GRIK3: variants seen among roughly 807,000 people sequenced by gnomAD.
The protein encoded by GRIK3 is glutamate ionotropic receptor kainate type subunit 3.
Under a neutral mutation model 102.5 loss-of-function variants are expected in GRIK3, and 29 were observed. The ratio of observed to expected loss-of-function variants is 0.28; its 90% confidence interval spans 0.21 to 0.39. GRIK3 has a LOEUF of 0.39. GRIK3 is among the 10% of genes least tolerant of loss of function. The pLI, the probability that GRIK3 is intolerant of heterozygous loss-of-function variation, is 1.00. For missense variants in GRIK3, 908 were observed against 1,252.4 expected (o/e 0.73, Z 4.15); for synonymous variants, 511 against 504.9 (o/e 1.01, Z -0.16).
rs76688397 is a variant in GRIK3, at chr1:36,806,966, G to A, written c.2092-640C>T. Among the ~76,000 whole-genome samples the A allele has an allele frequency of 0.015, 2,340 of 152,204 alleles. 71 individuals carry two copies. Among genetic ancestry groups the A allele is most frequent in the African/African-American group, 0.054 (2,239 of 41,514 alleles). On this transcript the variant is annotated intron_variant, in intron 13 of 15. Transcript: ENST00000373091. This position sits in a 1 kb window ranked among gnomAD's most constrained non-coding sequence, Gnocchi z 4.0. ...CTCCCCTTTCACTTCAACCAATGGA[G>A]GCCTCTTTTATGTCCTGTTTCAGGG...
intron 2 of GRIK3, among the ~76,000 whole-genome samples, chr1:36,887,772 AT>A (rs1159583575): frequency 2.3e-3 from 212 of 92,582 alleles, no homozygotes; most frequent in East Asian, 0.019. Flanking sequence ...AAAAAAAAAA[AT>A]ATATATATAT....
At chr1:36,913,266 C>T (rs982740310) in intron 1 of GRIK3, among the ~76,000 whole-genome samples, 4 of 152,184 alleles carry the variant, frequency 2.6e-5, no homozygotes, top group African/African-American at 9.6e-5. Context: ...CACCAGCAGC[C>T]CCTCTGTGCC....
chr1:36,989,080 G>A (rs565538471), intron 1 of GRIK3, among the ~76,000 whole-genome samples: 1 of 151,932 alleles, frequency 6.6e-6, no homozygotes, highest in South Asian at 2.1e-4. Context: ...CTCCCTCCCT[G>A]CACAAACACA....
At chr1:36,863,578 C>T (rs1640750751) in intron 5 of GRIK3, among the ~76,000 whole-genome samples, 1 of 152,116 alleles carries the variant, frequency 6.6e-6, no homozygotes, top group East Asian at 1.9e-4. Context: ...CTGTTCAGCA[C>T]CTTTGTATGC....
At chr1:37,017,170 G>T (rs1642659925) in intron 1 of GRIK3, among the ~76,000 whole-genome samples, 1 of 150,776 alleles carries the variant, frequency 6.6e-6, no homozygotes. Flanking sequence ...AGCCGAGATT[G>T]CACCACTGCA....
intron 1 of GRIK3, among the ~76,000 whole-genome samples, chr1:36,958,155 C>T (rs1490833916): frequency 1.9e-4 from 24 of 127,772 alleles, no homozygotes; most frequent in African/African-American, 5.7e-4. Context: ...ACTCTGTGCC[C>T]TGAGTCTGTG....
At chr1:36,824,589 C>T (rs1642733332) in intron 11 of GRIK3, among the ~76,000 whole-genome samples, 1 of 152,142 alleles carries the variant, frequency 6.6e-6, no homozygotes, top group Non-Finnish European at 1.5e-5. Context: ...AAAAAAAAGG[C>T]TGAAAACGCC....
chr1:36,957,534 C>CGTGAGT (rs1641933166), intron 1 of GRIK3, among the ~76,000 whole-genome samples: 1 of 107,522 alleles, frequency 9.3e-6, no homozygotes, highest in Non-Finnish European at 2.1e-5. Flanking sequence ...CCTGTGTGCC[C>CGTGAGT]CGTGTCCTGT....
At chr1:36,856,590 C>T (rs916404062) in intron 7 of GRIK3, among the ~76,000 whole-genome samples, 4 of 152,192 alleles carry the variant, frequency 2.6e-5, no homozygotes, top group South Asian at 2.1e-4. Flanking sequence ...ATCTGAGGTT[C>T]GGTTGTGGCC....
chr1:36,958,013 G>A (rs370207619), intron 1 of GRIK3, among the ~76,000 whole-genome samples: 4 of 22,204 alleles, frequency 1.8e-4, no homozygotes, highest in South Asian at 1.7e-3. Flanking sequence ...CTGTGTGCCC[G>A]GTGAGTCTGT....
At chr1:37,016,252 G>A (rs1391895186) in intron 1 of GRIK3, among the ~76,000 whole-genome samples, 1 of 152,218 alleles carries the variant, frequency 6.6e-6, no homozygotes, top group Admixed American at 6.5e-5. Flanking sequence ...GATTACAATG[G>A]AGTCAGGCAG....
At position 36,880,296 on chromosome 1, in the gene GRIK3, G is replaced by GT. The variant is rs1318396169; in HGVS notation, c.550+337dup. On this transcript the variant is annotated intron_variant, in intron 3 of 15. Coordinates refer to ENST00000373091, the MANE Select transcript of GRIK3 (RefSeq NM_000831.4). This position sits in a 1 kb window ranked among gnomAD's most constrained non-coding sequence, Gnocchi z 5.4. ...TTGCAGCAGATGGAAATGTGTGAGC[G>GT]TAAGGGCATGGGCAGGTGTCGGTGT... 6.6e-6 allele frequency among the ~76,000 whole-genome samples: 1 copy of GT among 152,152 alleles called. No homozygotes were observed. Among genetic ancestry groups the GT allele is most frequent in the Non-Finnish European group, 1.5e-5 (1 of 68,026 alleles).
chr1:37,001,064 T>C (rs963753753), intron 1 of GRIK3, among the ~76,000 whole-genome samples: 2 of 152,224 alleles, frequency 1.3e-5, no homozygotes, highest in African/African-American at 4.8e-5. Flanking sequence ...CGTCAATAAC[T>C]GTCCAGAGAG....
At chr1:36,977,396 A>G (rs1642206356) in intron 1 of GRIK3, among the ~76,000 whole-genome samples, 1 of 152,218 alleles carries the variant, frequency 6.6e-6, no homozygotes, top group Non-Finnish European at 1.5e-5. Flanking sequence ...ATGAAATTCT[A>G]ATATGAGAGC....
intron 7 of GRIK3, among the ~76,000 whole-genome samples, chr1:36,858,350 C>G (rs1312123086): frequency 6.6e-6 from 1 of 152,228 alleles, no homozygotes; most frequent in African/African-American, 2.4e-5. Flanking sequence ...TGTAACAGAG[C>G]CAGGATGCAA....
chr1:36,893,654 A>G (rs1430928799), intron 1 of GRIK3, among the ~76,000 whole-genome samples: 1 of 152,258 alleles, frequency 6.6e-6, no homozygotes, highest in East Asian at 1.9e-4. Flanking sequence ...CAAAAGCCCT[A>G]AAAATGTCCA....
intron 5 of GRIK3, among the ~76,000 whole-genome samples, chr1:36,865,701 A>T (rs1321265211): frequency 6.6e-6 from 1 of 152,214 alleles, no homozygotes; most frequent in African/African-American, 2.4e-5. Flanking sequence ...GAGGAAGGAC[A>T]GTCAGCTGGA....
intron 1 of GRIK3, among the ~76,000 whole-genome samples, chr1:36,928,847 G>T (rs779187488): frequency 2.0e-5 from 3 of 152,228 alleles, no homozygotes; most frequent in Non-Finnish European, 4.4e-5. Flanking sequence ...ATGTTCTCAA[G>T]GAAGGAGAAC....
chr1:36,909,768 G>A (rs952403577), intron 1 of GRIK3, among the ~76,000 whole-genome samples: 3 of 152,176 alleles, frequency 2.0e-5, no homozygotes, highest in Admixed American at 2.0e-4. Context: ...CAGAGTTGGG[G>A]AGGAGGGGTA....
Sources: gnomAD v4.1 joint callset for allele counts (sites outside exome capture counted in the v4.1 genomes callset) on GRCh38, gnomAD v4.1.1 for gene constraint, Gnocchi (gnomAD v3.1) non-coding constraint, MANE v1.5 for transcripts, NCBI Gene and HGNC (gene_info 2026-07-23, HGNC 2026-07-21) for gene names.